Variants in AGPAT4 observed in about 807,000 individuals in gnomAD.
The protein encoded by AGPAT4 is 1-acyl-sn-glycerol-3-phosphate acyltransferase delta.
Under a neutral mutation model 48.0 loss-of-function variants are expected in AGPAT4, and 15 were observed. The ratio of observed to expected loss-of-function variants is 0.31; its 90% CI spans 0.21 to 0.48. The LOEUF (loss-of-function observed/expected upper bound fraction) is 0.48, where lower values mean the gene tolerates loss of function less well. Ranked by LOEUF, AGPAT4 falls within the 20% of genes least tolerant of loss-of-function variation. The probability of loss-of-function intolerance (pLI) is 0.99; values close to 1 mark genes in which losing one functional copy is unlikely to be tolerated. For missense variants in AGPAT4, 314 were observed against 482.5 expected, an observed-to-expected ratio of 0.65 and a Z score of 3.27; for synonymous variants, 178 against 198.7, an observed-to-expected ratio of 0.90 and a Z score of 0.88.
rs1779652123 is a variant in AGPAT4, at chr6:161,153,510, G to C, written c.511-11C>G. 6.2e-7 allele frequency: 1 copy of C among 1,613,124 alleles called. No individual in the cohort carries two copies. Among genetic ancestry groups the C allele is most frequent in the East Asian group, 2.2e-5 (1 of 44,872 alleles). On this transcript the variant is annotated splice_polypyrimidine_tract_variant and intron_variant, in intron 4 of 8. Coordinates refer to ENST00000320285, the MANE Select transcript of AGPAT4 (RefSeq NM_020133.3). ...ACAGTGAATCAGGAACTGGAAGGAA[G>C]GAGGCAGGAGTCGCACGCAGCCTCG... is the stretch of plus-strand genomic sequence containing the variant.
Position 161,197,791 on chromosome 6 carries a change from G to A in AGPAT4, c.179-31374C>T, listed in dbSNP as rs1057091646. ...GGGCACCCAGGAGAGTTAAGTGCCT[G>A]CCGGAGTTCTGGAAATAAAATTACT... On this transcript the variant is annotated intron_variant, in intron 2 of 8. Coordinates refer to ENST00000320285, the MANE Select transcript of AGPAT4 (RefSeq NM_020133.3). The surrounding 1 kb of genome is among the most constrained non-coding windows in gnomAD (Gnocchi z 5.7). Among the ~76,000 whole-genome samples, 38 of 152,174 alleles carry A rather than the reference G, an allele frequency of 2.5e-4. No homozygotes were observed. Among genetic ancestry groups the A allele is most frequent in the African/African-American group, 8.7e-4 (36 of 41,456 alleles).
In AGPAT4 at chr6:161,216,306, G is replaced by A. The variant is rs1781645613; in HGVS notation, c.178+15730C>T. Among the ~76,000 whole-genome samples, 1 of 152,166 alleles carries A rather than the reference G, an allele frequency of 6.6e-6. No homozygotes were observed. Among genetic ancestry groups the A allele is most frequent in the East Asian group, 1.9e-4 (1 of 5,196 alleles). ...AGAGTAAAGCCATGAAACAGAATAG[G>A]CAACAGCAGCCCCAGTCTCTTCTGT... is the stretch of plus-strand genomic sequence containing the variant. On this transcript the variant is annotated intron_variant, in intron 2 of 8. Coordinates refer to ENST00000320285, the MANE Select transcript of AGPAT4 (RefSeq NM_020133.3). This position sits in a 1 kb window ranked among gnomAD's most constrained non-coding sequence, Gnocchi z 4.8.
At position 161,214,693 on chromosome 6, in the gene AGPAT4, C is replaced by T. The variant is rs1781598436; in HGVS notation, c.178+17343G>A. On this transcript the variant is annotated intron_variant, in intron 2 of 8. Coordinates refer to ENST00000320285, the MANE Select transcript of AGPAT4 (RefSeq NM_020133.3). The surrounding 1 kb of genome is among the most constrained non-coding windows in gnomAD (Gnocchi z 5.4). ...CTGAGGCAGGAGAATCACTTGAACC[C>T]AGGAGGCAAAGGTTGCAGTGAGCCG... 6.6e-6 allele frequency among the ~76,000 whole-genome samples: 1 copy of T among 152,164 alleles called. No individual in the cohort carries two copies.
rs78595809 is a variant in AGPAT4 at position 161,229,427 on chromosome 6, C to T, written c.178+2609G>A. Among the ~76,000 whole-genome samples, 3,429 of 152,280 alleles carry T rather than the reference C, an allele frequency of 0.023. 149 individuals carry two copies. Among genetic ancestry groups the T allele is most frequent in the African/African-American group, 0.079 (3,276 of 41,538 alleles). The stretch of plus-strand genomic sequence containing the variant: ...GTTAAGCTGCTGAATTCCCCACAAA[C>T]TGTCTCCTCCTCTGGCTGATCAGTG... On this transcript the variant is annotated intron_variant, in intron 2 of 8. Transcript: ENST00000320285. This position sits in a 1 kb window ranked among gnomAD's most constrained non-coding sequence, Gnocchi z 6.0.
At position 161,154,367 on chromosome 6, in the gene AGPAT4, G is replaced by T; in HGVS notation, c.349-57C>A. On this transcript the variant is annotated intron_variant, in intron 3 of 8. Transcript: ENST00000320285. The surrounding 1 kb of genome is among the most constrained non-coding windows in gnomAD (Gnocchi z 7.8). ...GAAGGAGACGTCAGAGCCACCTGCCGGGGCTGTTGGAGACTGAAGTAGAAA... is the reference window on the plus strand; with the variant it reads ...GAAGGAGACGTCAGAGCCACCTGCCTGGGCTGTTGGAGACTGAAGTAGAAA... 6.2e-7 allele frequency: 1 copy of T among 1,602,186 alleles called. No homozygotes were observed.
chr6:161,182,928 C>A (rs1383433393), intron 2 of AGPAT4, among the ~76,000 whole-genome samples: 1 of 152,174 alleles, frequency 6.6e-6, no homozygotes, highest in Non-Finnish European at 1.5e-5. Flanking sequence ...ACAGGTGGAG[C>A]TTTCAGAAGA....
chr6:161,181,503 C>CGGGGGGGGGGG (rs776492737), intron 2 of AGPAT4, among the ~76,000 whole-genome samples: 3 of 126,156 alleles, frequency 2.4e-5, no homozygotes, highest in African/African-American at 3.0e-5. Context: ...GTGGGGGTAG[C>CGGGGGGGGGGG]AGGGGGCGGG....
intron 4 of AGPAT4, among the ~76,000 whole-genome samples, chr6:161,153,818 G>A (rs2114966493): frequency 6.7e-6 from 1 of 149,576 alleles, no homozygotes; most frequent in East Asian, 2.0e-4. Flanking sequence ...GTCACACACA[G>A]CCCTGGGGTC....
Position 161,195,461 on chromosome 6 carries a change from C to T in AGPAT4, c.179-29044G>A, listed in dbSNP as rs77705024. On this transcript the variant is annotated intron_variant, in intron 2 of 8. Transcript: ENST00000320285. This position sits in a 1 kb window ranked among gnomAD's most constrained non-coding sequence, Gnocchi z 5.0. Reference sequence around the variant, plus strand: ...TTAAAGCCACCTAGAAATACAGCAACTTCATGTTCATCAGAATCAGAAGTT... The same window carrying T: ...TTAAAGCCACCTAGAAATACAGCAATTTCATGTTCATCAGAATCAGAAGTT... 1.3e-3 allele frequency among the ~76,000 whole-genome samples: 197 copies of T among 152,256 alleles called. No homozygotes were observed. The highest frequency in any genetic ancestry group is 4.5e-3 in the African/African-American group (187 of 41,510).
chr6:161,193,670 T>C (rs1432034033), intron 2 of AGPAT4, among the ~76,000 whole-genome samples: 2 of 152,208 alleles, frequency 1.3e-5, no homozygotes, highest in African/African-American at 2.4e-5. Flanking sequence ...GAATCCCTGT[T>C]AGACTCCAAG....
chr6:161,268,121 C>T (rs965244009), intron 1 of AGPAT4, among the ~76,000 whole-genome samples: 2 of 152,094 alleles, frequency 1.3e-5, no homozygotes, highest in Non-Finnish European at 2.9e-5. Flanking sequence ...AAATGGAGCA[C>T]GATGAGAGTT....
rs562283690 is a variant in AGPAT4, at chr6:161,155,151, G to A, written c.349-841C>T. On this transcript the variant is annotated intron_variant, in intron 3 of 8. Transcript: ENST00000320285. This position sits in a 1 kb window ranked among gnomAD's most constrained non-coding sequence, Gnocchi z 5.8. ...TCTGGGGAGTCTCAGGGCAGTCCTG[G>A]GTCCCCAGGGCTCGGTGTGGCCCTC... 2.1e-4 allele frequency among the ~76,000 whole-genome samples: 32 copies of A among 152,270 alleles called. No individual in the cohort carries two copies. In the South Asian group the frequency reaches 6.2e-3, roughly 30 times the overall value.
At position 161,231,937 on chromosome 6, in the gene AGPAT4, C is replaced by T. The variant is rs530609502; in HGVS notation, c.178+99G>A. On this transcript the variant is annotated intron_variant, in intron 2 of 8. Transcript: ENST00000320285. The surrounding 1 kb of genome is among the most constrained non-coding windows in gnomAD (Gnocchi z 5.3). ...ACAAAAACAAAACAAAAAAACAGCT[C>T]GGCACACAACGAAAGCCTAGTGAAT... The T allele has an allele frequency of 9.8e-6, 12 of 1,229,012 alleles. No individual in the cohort carries two copies. The Admixed American group carries it at 1.1e-4, about 11-fold the overall frequency. 76.1% of individuals were successfully genotyped at this position (1,229,012 alleles called of 1,614,324 possible). A position where few individuals can be genotyped will look rare whatever the true frequency, so the allele number is the denominator to read the frequency against.
chr6:161,162,294 C>T (rs771050298), intron 3 of AGPAT4, among the ~76,000 whole-genome samples: 9 of 152,212 alleles, frequency 5.9e-5, no homozygotes, highest in Admixed American at 2.0e-4. Context: ...GGGGCACGGG[C>T]GGTGCTTACT....
intron 2 of AGPAT4, among the ~76,000 whole-genome samples, chr6:161,191,941 C>T (rs1442918475): frequency 6.6e-6 from 1 of 151,978 alleles, no homozygotes; most frequent in Non-Finnish European, 1.5e-5. Context: ...TCTCAATTCA[C>T]CTTCCTCTCC....
In AGPAT4 at chr6:161,222,224, A is replaced by G. The variant is rs201362098; in HGVS notation, c.178+9812T>C. ...GAATTTCAGCACATTTGATTTCACA[A>G]TGGGCTCACTTTATATTTTCCTTTT... On this transcript the variant is annotated intron_variant, in intron 2 of 8. Coordinates refer to ENST00000320285, the MANE Select transcript of AGPAT4 (RefSeq NM_020133.3). The surrounding 1 kb of genome is among the most constrained non-coding windows in gnomAD (Gnocchi z 5.9). Among the ~76,000 whole-genome samples, 27 of 152,298 alleles carry G rather than the reference A, an allele frequency of 1.8e-4. No individual in the cohort carries two copies. In the East Asian group the frequency reaches 2.9e-3, roughly 16 times the overall value.
chr6:161,157,533 T>C (rs1779797014), intron 3 of AGPAT4, among the ~76,000 whole-genome samples: 1 of 152,138 alleles, frequency 6.6e-6, no homozygotes, highest in Non-Finnish European at 1.5e-5. Flanking sequence ...GGCTAGTCTC[T>C]AACTGCTGAC....
At chr6:161,160,624 G>A (rs71565792) in intron 3 of AGPAT4, 1 of 220,040 alleles carries the variant, frequency 4.5e-6, no homozygotes, top group South Asian at 8.0e-5. Context: ...GAGAGGAGAA[G>A]AGGACCGTGC....
chr6:161,138,098 C>T lies in AGPAT4; in HGVS notation c.1042+1324G>A, dbSNP rs1395496755. Among the ~76,000 whole-genome samples, 3 of 152,210 alleles carry T rather than the reference C, an allele frequency of 2.0e-5. No individual in the cohort carries two copies. The highest frequency in any genetic ancestry group is 2.0e-4 in the Admixed American group (3 of 15,278). On this transcript the variant is annotated intron_variant, in intron 8 of 8. Coordinates refer to ENST00000320285, the MANE Select transcript of AGPAT4 (RefSeq NM_020133.3). This position sits in a 1 kb window ranked among gnomAD's most constrained non-coding sequence, Gnocchi z 4.8. ...GCTTGCCCCCGCCCTACCAGGGGCC[C>T]TGGCACCTGCAGCTGCCCCGGACCC...
Sources: allele counts gnomAD v4.1 joint callset (sites outside exome capture counted in the v4.1 genomes callset), GRCh38; gene constraint gnomAD v4.1.1; non-coding constraint Gnocchi (gnomAD v3.1); transcripts MANE v1.5; gene names NCBI Gene and HGNC (gene_info 2026-07-23, HGNC 2026-07-21).